VTI1A: variants seen among roughly 807,000 people sequenced by gnomAD.
VTI1A encodes the protein vesicle transport through interaction with t-SNAREs homolog 1A.
VTI1A carries 22 observed loss-of-function variants against 34.9 expected under a neutral mutation model. That is an observed-to-expected ratio of 0.63 (90% CI 0.45 to 0.90). VTI1A has a LOEUF of 0.90. VTI1A is among the 40% of genes least tolerant of loss of function. VTI1A has a pLI of 0.00. For synonymous variants in VTI1A, 87 were observed against 97.3 expected, an observed-to-expected ratio of 0.89 and a Z score of 0.62; for missense variants, 268 against 275.6, an observed-to-expected ratio of 0.97 and a Z score of 0.20.
At chr10:112,635,023 A>G (rs1004959422) in intron 5 of VTI1A, among the ~76,000 whole-genome samples, 1 of 152,196 alleles carries the variant, frequency 6.6e-6, no homozygotes, top group Admixed American at 6.5e-5. Flanking sequence ...AGCTAATTCT[A>G]GGAGTCTCCT....
chr10:112,543,313 A>G (rs930422085), intron 5 of VTI1A, among the ~76,000 whole-genome samples: 4 of 152,048 alleles, frequency 2.6e-5, no homozygotes, highest in Non-Finnish European at 4.4e-5. Flanking sequence ...AAGTGTTCCT[A>G]TTTCTCCACA....
intron 5 of VTI1A, among the ~76,000 whole-genome samples, chr10:112,540,034 C>G (rs1217770712): frequency 2.0e-5 from 3 of 152,162 alleles, no homozygotes; most frequent in Non-Finnish European, 2.9e-5. Context: ...TGGTCAGCCT[C>G]TTTCCACATG....
At chr10:112,700,131 A>AAAAAC (rs1564889727) in intron 7 of VTI1A, among the ~76,000 whole-genome samples, 13 of 140,026 alleles carry the variant, frequency 9.3e-5, no homozygotes, top group South Asian at 2.1e-4. Context: ...AAAAAAAAAA[A>AAAAAC]AAAACAAAAC....
At chr10:112,698,921 G>GA (rs1184685622) in intron 7 of VTI1A, among the ~76,000 whole-genome samples, 2 of 152,166 alleles carry the variant, frequency 1.3e-5, no homozygotes, top group African/African-American at 4.8e-5. Context: ...CACCAGAGAA[G>GA]AAAATCCTCG....
At chr10:112,460,770 AG>A (rs199735161) in intron 2 of VTI1A, among the ~76,000 whole-genome samples, 188 bp downstream of exon 2, 3,048 of 152,306 alleles carry the variant, frequency 0.02, 43 homozygotes, top group Middle Eastern at 0.051. Flanking sequence ...TTCTTAGCAA[AG>A]GTGATTCATT....
intron 5 of VTI1A, among the ~76,000 whole-genome samples, chr10:112,540,146 T>C (rs945559270): frequency 2.0e-5 from 3 of 152,180 alleles, no homozygotes; most frequent in African/African-American, 7.2e-5. Context: ...TTTCTTTCAC[T>C]AAACTATTCA....
intron 7 of VTI1A, among the ~76,000 whole-genome samples, chr10:112,701,402 G>T (rs1849005385): frequency 6.6e-6 from 1 of 152,298 alleles, no homozygotes; most frequent in East Asian, 1.9e-4. Context: ...TCTTCATTCT[G>T]TTTTGTCCTG....
At chr10:112,508,249 T>C (rs1376791858) in intron 3 of VTI1A, among the ~76,000 whole-genome samples, 2 of 152,200 alleles carry the variant, frequency 1.3e-5, no homozygotes, top group Non-Finnish European at 2.9e-5. Context: ...TCTGAATAAG[T>C]CCCTCATCTT....
chr10:112,516,553 T>C lies in VTI1A; in HGVS notation c.265-10534T>C, dbSNP rs1469370383. Among the ~76,000 whole-genome samples the C allele has an allele frequency of 3.9e-5, 6 of 152,224 alleles. No homozygotes were observed. In the East Asian group the frequency reaches 1.2e-3, roughly 29 times the overall value. On this transcript the variant is annotated intron_variant, in intron 3 of 7. Transcript: ENST00000393077. The stretch of plus-strand genomic sequence containing the variant: ...ATGAGGAGCTGAGACTTTGGACCTA[T>C]TGGCTTACCTCTGCCAAAAACATGT...
intron 7 of VTI1A, among the ~76,000 whole-genome samples, chr10:112,732,597 G>A (rs1350831320): frequency 6.6e-6 from 1 of 152,124 alleles, no homozygotes; most frequent in African/African-American, 2.4e-5. Flanking sequence ...CTGTCTTCTA[G>A]GGAATATTTT....
intron 5 of VTI1A, among the ~76,000 whole-genome samples, chr10:112,589,490 G>T (rs1034155371): frequency 2.0e-5 from 3 of 152,082 alleles, no homozygotes; most frequent in African/African-American, 4.8e-5. Flanking sequence ...TTTGTAAATT[G>T]CCCAGTCTTG....
intron 7 of VTI1A, among the ~76,000 whole-genome samples, chr10:112,673,101 G>A (rs1480304174): frequency 6.6e-6 from 1 of 152,094 alleles, no homozygotes; most frequent in Non-Finnish European, 1.5e-5. Context: ...CAGATCACTT[G>A]ATGCCAGGAG....
intron 3 of VTI1A, among the ~76,000 whole-genome samples, chr10:112,488,585 G>A (rs1420431488): frequency 6.6e-6 from 1 of 152,162 alleles, no homozygotes; most frequent in Non-Finnish European, 1.5e-5. Flanking sequence ...ATTTGATTCT[G>A]TATTCAGCGT....
chr10:112,769,695 G>C (rs1263871969), intron 7 of VTI1A, among the ~76,000 whole-genome samples: 3 of 152,126 alleles, frequency 2.0e-5, no homozygotes, highest in Non-Finnish European at 4.4e-5. Context: ...CCATTGTTCT[G>C]CCTAGTATTG....
rs373395867 is a variant in VTI1A, at chr10:112,699,566, C to T, written c.560+30568C>T. Reference sequence around the variant, plus strand: ...CACTGGGAGGAGCCGGGCATGGTGGCTCACGCCTATAATCCCAGCACTTTG... The same window carrying T: ...CACTGGGAGGAGCCGGGCATGGTGGTTCACGCCTATAATCCCAGCACTTTG... On this transcript the variant is annotated intron_variant, in intron 7 of 7. Coordinates refer to ENST00000393077, the MANE Select transcript of VTI1A (RefSeq NM_145206.4). Among the ~76,000 whole-genome samples, 19 of 152,382 alleles carry T rather than the reference C, an allele frequency of 1.2e-4. 1 individual carries two copies. The East Asian group carries it at 3.5e-3, about 28-fold the overall frequency.
intron 3 of VTI1A, among the ~76,000 whole-genome samples, chr10:112,471,120 T>G (rs1848060363): frequency 6.6e-6 from 1 of 152,224 alleles, no homozygotes. Flanking sequence ...ATCTCAAAAA[T>G]ACACCAAAGA....
rs79077807 is a variant in VTI1A, at chr10:112,716,008, G to A, written c.560+47010G>A. ...GAGTGCTGTTCTTGGCACTCGGGAT[G>A]CGCATCAGCCCAGGGACCTGCCAGC... On this transcript the variant is annotated intron_variant, in intron 7 of 7. Coordinates refer to ENST00000393077, the MANE Select transcript of VTI1A (RefSeq NM_145206.4). 9.5e-3 allele frequency among the ~76,000 whole-genome samples: 1,442 copies of A among 152,238 alleles called. 23 individuals are homozygous for A. Among genetic ancestry groups the A allele is most frequent in the African/African-American group, 0.033 (1,354 of 41,516 alleles).
Position 112,618,524 on chromosome 10 carries a change from T to TATATATATAGAGAGAGAG in VTI1A, c.428-49693_428-49692insTATATATAGAGAGAGAGA, listed in dbSNP as rs748276058. Among the ~76,000 whole-genome samples the TATATATATAGAGAGAGAG allele has an allele frequency of 5.5e-4, 19 of 34,570 alleles. 1 individual carries two copies. Among genetic ancestry groups the TATATATATAGAGAGAGAG allele is most frequent in the Admixed American group, 1.3e-3 (2 of 1,492 alleles). The allele number at this position is 34,570 out of a possible 152,430, so 22.7% of individuals were successfully genotyped here. A position where few individuals can be genotyped will look rare whatever the true frequency, so the allele number is the denominator to read the frequency against. ...ATATATATATATATATATATATATATAGAGAGAGAGAGAGAGAGAGAGAGT... is the reference window on the plus strand; with the variant it reads ...ATATATATATATATATATATATATATATATATATAGAGAGAGAGAGAGAGAGAGAGAGAGAGAGAGAGT... On this transcript the variant is annotated intron_variant, in intron 5 of 7. Coordinates refer to ENST00000393077, the MANE Select transcript of VTI1A (RefSeq NM_145206.4).
chr10:112,566,789 G>A (rs1313503213), intron 5 of VTI1A, among the ~76,000 whole-genome samples: 2 of 152,078 alleles, frequency 1.3e-5, no homozygotes, highest in African/African-American at 4.8e-5. Context: ...GCTGCTTCAT[G>A]AATATTCCAT....
Sources: gnomAD v4.1 joint callset for allele counts (sites outside exome capture counted in the v4.1 genomes callset) on GRCh38, gnomAD v4.1.1 for gene constraint, MANE v1.5 for transcripts, NCBI Gene and HGNC (gene_info 2026-07-23, HGNC 2026-07-21) for gene names.